Variants in TRIM65 observed in about 807,000 individuals in gnomAD.
TRIM65 encodes the protein tripartite motif containing 65.
In TRIM65, 46 loss-of-function variants were observed where a neutral mutation model predicts 36.1. The observed-to-expected ratio is 1.27, with a 90% CI of 1.01 to 1.63. The LOEUF (loss-of-function observed/expected upper bound fraction) is 1.63, where lower values mean the gene tolerates loss of function less well. TRIM65 is among the 40% of genes most tolerant of loss of function. The pLI, the probability that TRIM65 is intolerant of heterozygous loss-of-function variation, is 0.00. For missense variants in TRIM65, 708 were observed against 696.6 expected, an observed-to-expected ratio of 1.02 and a Z score of -0.18; for synonymous variants, 346 against 313.6, an observed-to-expected ratio of 1.10 and a Z score of -1.09.
chr17:75,894,756 C>T (rs369969296), intron 1 of TRIM65, among the ~76,000 whole-genome samples: 1 of 152,232 alleles, frequency 6.6e-6, no homozygotes, highest in Admixed American at 6.5e-5. Flanking sequence ...GTCTCAATCT[C>T]CTGACCTCGT....
chr17:75,888,770 A>G (rs140602544), downstream of TRIM65, among the ~76,000 whole-genome samples: 1,587 of 152,306 alleles, frequency 0.01, 21 homozygotes, highest in Middle Eastern at 0.02. Flanking sequence ...CTTGCTGGAA[A>G]GTCCTTGCCT....
chr17:75,887,154 TAA>T (rs5822108), downstream of TRIM65, among the ~76,000 whole-genome samples: 21,041 of 101,862 alleles, frequency 0.21, 2,063 homozygotes, highest in African/African-American at 0.28. Context: ...CCCCATCTCT[TAA>T]AAAAAAAAAA....
Position 75,896,837 on chromosome 17 carries a change from GC to G in TRIM65, c.100del (p.Ala34ProfsTer108). ...TLPCGHNFCG[A>X]CIRDWWDRCG... ...GCGGTCCCACCAGTCCCGGATGCAG[GC>G]CCCGCAGAAGTTGTGGCCGCAGGGC... On this transcript the variant is annotated frameshift_variant, in exon 1 of 6. Transcript: ENST00000269383. LOFTEE classifies it high-confidence loss of function. 4 of 1,527,076 alleles carry G rather than the reference GC, an allele frequency of 2.6e-6. No individual in the cohort carries two copies. Among genetic ancestry groups the G allele is most frequent in the Middle Eastern group, 1.7e-4 (1 of 5,788 alleles). 94.6% of individuals were successfully genotyped at this position (1,527,076 alleles called of 1,614,324 possible). A position where few individuals can be genotyped will look rare whatever the true frequency, so the allele number is the denominator to read the frequency against.
Position 75,891,972 on chromosome 17 carries a change from G to C in TRIM65, c.919+39C>G, listed in dbSNP as rs1599457771. On this transcript the variant is annotated intron_variant, in intron 4 of 5. Transcript: ENST00000269383. ...ACCCCCCCAGCGGGAGGGGCAGCTGGACCCAGGACAGCAGGGGGAGGCCTG... is the reference window on the plus strand; with the variant it reads ...ACCCCCCCAGCGGGAGGGGCAGCTGCACCCAGGACAGCAGGGGGAGGCCTG... The C allele has an allele frequency of 5.8e-6, 9 of 1,555,066 alleles. No individual in the cohort carries two copies. The East Asian group carries it at 2.2e-4, about 38-fold the overall frequency.
At chr17:75,887,744 G>A (rs949712654), downstream of TRIM65, among the ~76,000 whole-genome samples, 2 of 152,146 alleles carry the variant, frequency 1.3e-5, no homozygotes, top group African/African-American at 4.8e-5. Context: ...GAGGGGGGCC[G>A]GACATGGCGA....
At chr17:75,884,597 T>C (rs139664421), downstream of TRIM65, among the ~76,000 whole-genome samples, 11 of 152,332 alleles carry the variant, frequency 7.2e-5, no homozygotes, top group African/African-American at 2.6e-4. Flanking sequence ...CTAAGCCGTT[T>C]AAGGTTCCTT....
At chr17:75,884,701 C>A (rs555513438), downstream of TRIM65, among the ~76,000 whole-genome samples, 1 of 152,294 alleles carries the variant, frequency 6.6e-6, no homozygotes, top group East Asian at 1.9e-4. Flanking sequence ...TTACTGCAGC[C>A]TCAACATCCC....
intron 1 of TRIM65, among the ~76,000 whole-genome samples, chr17:75,894,668 T>A (rs962632061): frequency 2.0e-5 from 3 of 152,258 alleles, no homozygotes; most frequent in African/African-American, 7.2e-5. Flanking sequence ...GAGCTGGGAC[T>A]ACAGGCGCCC....
Position 75,892,142 on chromosome 17 carries a change from G to A in TRIM65, c.788C>T (p.Thr263Ile), listed in dbSNP as rs551753319. The A allele has an allele frequency of 1.3e-6, 2 of 1,567,744 alleles. No individual in the cohort carries two copies. Among genetic ancestry groups the A allele is most frequent in the African/African-American group, 1.4e-5 (1 of 73,700 alleles). The change falls in exon 4 of 6, where the codon ACC (threonine) becomes ATC (isoleucine). Residue 263 changes from threonine (T) to isoleucine (I), a missense_variant. Physicochemically the swap from Thr to Ile is moderately conservative, Grantham distance 89. Transcript: ENST00000269383. ...TTGGTCTTCATCCCACTGCAGAGGG[G>A]TCAGTGGCCCAAGAGGCCCTGGGGG... is the stretch of plus-strand genomic sequence containing the variant. ...LQPPGPLGPL[T>I]PLQWDEDQQL...
Position 75,891,880 on chromosome 17 carries a change from TA to T in TRIM65, c.920-3del, listed in dbSNP as rs753173681. 1.9e-6 allele frequency: 3 copies of T among 1,610,906 alleles called. No homozygotes were observed. The African/African-American group carries it at 4.0e-5, about 22-fold the overall frequency. On this transcript the variant is annotated splice_region_variant and splice_polypyrimidine_tract_variant and intron_variant, in intron 4 of 5. Transcript: ENST00000269383. ...CCGGTGCCAGGGGACCTGGGGCCTC[TA>T]GGGGGCAAAGCAGTGTTAAGGGAAT... is the stretch of plus-strand genomic sequence containing the variant.
Position 75,890,340 on chromosome 17 carries a change from A to G in TRIM65, c.*439T>C, listed in dbSNP as rs891307551. The G allele has an allele frequency of 6.4e-6, 1 of 156,970 alleles. No individual in the cohort carries two copies. The highest frequency in any genetic ancestry group is 2.4e-5 in the African/African-American group (1 of 41,648). The allele number at this position is 156,970 out of a possible 1,614,324, so 9.7% of individuals were successfully genotyped here. On this transcript the variant is annotated 3_prime_UTR_variant, in exon 6 of 6. Transcript: ENST00000269383. ...CTCCAAATGTTACAAAAAATTAAAGAGAGCTGCAGGCGGGGAGGAGGGAGG... is the reference window on the plus strand; with the variant it reads ...CTCCAAATGTTACAAAAAATTAAAGGGAGCTGCAGGCGGGGAGGAGGGAGG...
chr17:75,891,263 C>T lies in TRIM65; in HGVS notation c.1070G>A (p.Arg357His), dbSNP rs748483118. ...GGGCCCGCCTGGGCCCCGGGACTGA[C>T]GACAGTGCTTCACCTGCTGGTCCTG... is the stretch of plus-strand genomic sequence containing the variant. ...SRQDQQVKHCRQSRGPGGPGS... is the reference protein window; with the variant it reads ...SRQDQQVKHCHQSRGPGGPGS... Residue 357 changes from arginine to histidine, a missense_variant, in exon 6 of 6, where the codon CGT becomes CAT. Arg to His is a conservative substitution (Grantham distance 29, BLOSUM62 0). Transcript: ENST00000269383. 61 of 1,612,840 alleles carry T rather than the reference C, an allele frequency of 3.8e-5. No individual in the cohort carries two copies. In the East Asian group the frequency reaches 6.2e-4, roughly 16 times the overall value.
intron 1 of TRIM65, among the ~76,000 whole-genome samples, chr17:75,896,218 GCTAA>G (rs945965456): frequency 4.6e-5 from 7 of 152,318 alleles, no homozygotes; most frequent in African/African-American, 9.6e-5. Flanking sequence ...ACCACGCCCG[GCTAA>G]CTTTTTGTAT....
In TRIM65 at chr17:75,891,354, G is replaced by A; in HGVS notation, c.986-7C>T. 6.2e-7 allele frequency: 1 copy of A among 1,613,068 alleles called. No homozygotes were observed. The highest frequency in any genetic ancestry group is 8.5e-7 in the Non-Finnish European group (1 of 1,179,744). On this transcript the variant is annotated splice_region_variant and splice_polypyrimidine_tract_variant and intron_variant, in intron 5 of 5. Coordinates refer to ENST00000269383, the MANE Select transcript of TRIM65 (RefSeq NM_173547.4). ...AAGGTCAGATTGCGATAATCTGTTG[G>A]GGAAAGGAGGACAGCAGTGGGCTGG...
downstream of TRIM65, among the ~76,000 whole-genome samples, chr17:75,880,023 G>A (rs541337752): frequency 1.3e-5 from 2 of 151,002 alleles, no homozygotes; most frequent in East Asian, 3.9e-4. Context: ...CAAAGTGCTG[G>A]GATTACAGAC....
At position 75,890,511 on chromosome 17, in the gene TRIM65, C is replaced by T. The variant is rs2065249602; in HGVS notation, c.*268G>A. 2.8e-6 allele frequency: 1 copy of T among 363,570 alleles called. No individual in the cohort carries two copies. Among genetic ancestry groups the T allele is most frequent in the East Asian group, 4.8e-5 (1 of 20,860 alleles). 22.5% of individuals were successfully genotyped at this position (363,570 alleles called of 1,614,324 possible). ...AAGCCCAGAAGTCCCCTGGGCACTG[C>T]TCTCGCCTCCCAGGCCCAGACAGTA... On this transcript the variant is annotated 3_prime_UTR_variant, in exon 6 of 6. Coordinates refer to ENST00000269383, the MANE Select transcript of TRIM65 (RefSeq NM_173547.4).
intron 4 of TRIM65, among the ~76,000 whole-genome samples, chr17:75,881,105 G>A (rs992419670): frequency 6.7e-5 from 10 of 149,836 alleles, no homozygotes; most frequent in African/African-American, 2.0e-4. Context: ...AAAATTAGCC[G>A]GGCGTGGTGG....
At chr17:75,883,038 T>G (rs2065178821) in intron 4 of TRIM65, among the ~76,000 whole-genome samples, 1 of 149,454 alleles carries the variant, frequency 6.7e-6, no homozygotes, top group African/African-American at 2.5e-5. Context: ...GAAAAGCTAT[T>G]TCTAGCTTTT....
At chr17:75,883,036 A>G (rs1199191304) in intron 4 of TRIM65, among the ~76,000 whole-genome samples, 13 of 148,664 alleles carry the variant, frequency 8.7e-5, no homozygotes, top group Non-Finnish European at 1.6e-4. Context: ...TTGAAAAGCT[A>G]TTTCTAGCTT....
Sources: gnomAD v4.1 joint callset for allele counts (sites outside exome capture counted in the v4.1 genomes callset) on GRCh38, gnomAD v4.1.1 for gene constraint, MANE v1.5 for transcripts, NCBI Gene and HGNC (gene_info 2026-07-23, HGNC 2026-07-21) for gene names.